The following NELL1 variants were observed in gnomAD, a reference collection of about 807,000 sequenced individuals.
The protein encoded by NELL1 is protein kinase C-binding protein NELL1.
NELL1 carries 76 observed loss-of-function variants against 107.4 expected under a neutral mutation model. That is an observed-to-expected ratio of 0.71 (90% confidence interval 0.59 to 0.86). NELL1 has a LOEUF of 0.86. Ranked by LOEUF, NELL1 falls within the 40% of genes least tolerant of loss-of-function variation. The pLI is 0.00. For missense variants in NELL1, 1,024 were observed against 1,005.5 expected (o/e 1.02, Z -0.25); for synonymous variants, 353 against 341.2 (o/e 1.03, Z -0.38).
chr11:21,481,032 G>A (rs547843239), intron 15 of NELL1, among the ~76,000 whole-genome samples: 1 of 152,220 alleles, frequency 6.6e-6, no homozygotes, highest in South Asian at 2.1e-4. Context: ...ATAAAATGGA[G>A]GGCTTTACAA....
At chr11:21,050,956 C>T (rs10766763) in intron 12 of NELL1, among the ~76,000 whole-genome samples, 58,421 of 151,948 alleles carry the variant, frequency 0.38, 14,175 homozygotes, top group African/African-American at 0.68. Flanking sequence ...CCAATGGAAA[C>T]GGATCCCAGG....
At position 20,888,826 on chromosome 11, in the gene NELL1, G is replaced by A. The variant is rs1159561177; in HGVS notation, c.603+3286G>A. Among the ~76,000 whole-genome samples the A allele has an allele frequency of 5.3e-5, 8 of 152,290 alleles. No homozygotes were observed. The South Asian group carries it at 1.7e-3, about 32-fold the overall frequency. On this transcript the variant is annotated intron_variant, in intron 5 of 19. Transcript: ENST00000357134. ...TGAGAGCCTCTTCACCTCTCTGGGG[G>A]TTGGCTGGCTGTTGACTCTTGTTCC... is the stretch of plus-strand genomic sequence containing the variant.
At chr11:21,504,478 T>C (rs1252736626) in intron 15 of NELL1, among the ~76,000 whole-genome samples, 2 of 152,180 alleles carry the variant, frequency 1.3e-5, no homozygotes, top group Admixed American at 1.3e-4. Flanking sequence ...CTCACACAGC[T>C]TTTCCTATGA....
intron 14 of NELL1, among the ~76,000 whole-genome samples, chr11:21,332,408 G>C (rs1048044848): frequency 1.3e-5 from 2 of 151,786 alleles, no homozygotes; most frequent in Non-Finnish European, 2.9e-5. Flanking sequence ...CTTATCCTAT[G>C]CCATTTTTCT....
chr11:21,223,839 G>A (rs544923764), intron 13 of NELL1, among the ~76,000 whole-genome samples: 27 of 152,202 alleles, frequency 1.8e-4, no homozygotes, highest in African/African-American at 4.3e-4. Context: ...AGCTTTTCTC[G>A]TAGATCAGGT....
At chr11:20,790,363 G>A (rs1449330068) in intron 3 of NELL1, among the ~76,000 whole-genome samples, 1 of 152,212 alleles carries the variant, frequency 6.6e-6, no homozygotes, top group Non-Finnish European at 1.5e-5. Context: ...CCCTGAGTAT[G>A]TGCACACCCA....
intron 12 of NELL1, among the ~76,000 whole-genome samples, chr11:21,080,496 G>T (rs148392241): frequency 2.6e-5 from 4 of 152,170 alleles, no homozygotes; most frequent in Admixed American, 1.3e-4. Flanking sequence ...AGTCTCATGT[G>T]TGCAACATAT....
chr11:21,182,168 T>G (rs989049970), intron 13 of NELL1, among the ~76,000 whole-genome samples: 4 of 151,796 alleles, frequency 2.6e-5, no homozygotes, highest in Middle Eastern at 3.2e-3. Context: ...GCACGGTGGC[T>G]CCTGCCTGTA....
intron 14 of NELL1, among the ~76,000 whole-genome samples, chr11:21,354,394 A>C (rs1280783016): frequency 1.3e-5 from 2 of 152,018 alleles, no homozygotes; most frequent in African/African-American, 4.8e-5. Flanking sequence ...CACTTAGTTA[A>C]AACTTCAAAC....
chr11:20,884,536 C>T (rs903040101), intron 4 of NELL1, among the ~76,000 whole-genome samples: 1 of 151,964 alleles, frequency 6.6e-6, no homozygotes, highest in Admixed American at 6.5e-5. Flanking sequence ...GTTGGAAGCT[C>T]GTGATCAGTG....
At chr11:21,411,156 C>T (rs1852367584) in intron 15 of NELL1, among the ~76,000 whole-genome samples, 2 of 151,968 alleles carry the variant, frequency 1.3e-5, no homozygotes, top group Admixed American at 1.3e-4. Context: ...ATCTAATTTT[C>T]AAGGTTGGGA....
intron 13 of NELL1, among the ~76,000 whole-genome samples, chr11:21,164,009 C>T (rs1268052425): frequency 6.6e-6 from 1 of 152,004 alleles, no homozygotes; most frequent in Non-Finnish European, 1.5e-5. Context: ...ACTGTATGCC[C>T]ATAGAGAAAA....
At chr11:20,821,239 A>G (rs1012322156) in intron 3 of NELL1, among the ~76,000 whole-genome samples, 61 of 152,120 alleles carry the variant, frequency 4.0e-4, no homozygotes, top group African/African-American at 1.3e-3. Flanking sequence ...GGCACGATGC[A>G]TTACTCCTTT....
intron 15 of NELL1, among the ~76,000 whole-genome samples, chr11:21,454,509 T>C (rs1853672118): frequency 1.3e-5 from 2 of 152,200 alleles, no homozygotes; most frequent in Non-Finnish European, 1.5e-5. Flanking sequence ...CTCCATATCT[T>C]ATAAACTCTA....
intron 12 of NELL1, among the ~76,000 whole-genome samples, chr11:21,055,242 A>C (rs1565035965): frequency 6.6e-6 from 1 of 152,040 alleles, no homozygotes; most frequent in Admixed American, 6.6e-5. Flanking sequence ...TCATCAGGTT[A>C]TACATATTTT....
chr11:20,701,307 CT>C (rs1854779724), intron 2 of NELL1, among the ~76,000 whole-genome samples: 1 of 152,084 alleles, frequency 6.6e-6, no homozygotes, highest in South Asian at 2.1e-4. Context: ...TAAATGTCTT[CT>C]TTTGAGAAGT....
At chr11:21,345,631 G>A (rs1235766903) in intron 14 of NELL1, among the ~76,000 whole-genome samples, 1 of 152,150 alleles carries the variant, frequency 6.6e-6, no homozygotes, top group Non-Finnish European at 1.5e-5. Context: ...ATTGGACTAT[G>A]CCTTGTCTAC....
At chr11:20,947,046 C>T (rs1040037795) in intron 10 of NELL1, among the ~76,000 whole-genome samples, 9 of 152,088 alleles carry the variant, frequency 5.9e-5, no homozygotes, top group Non-Finnish European at 2.9e-5. Flanking sequence ...GACCAAGAGT[C>T]GATTGTTAGA....
intron 15 of NELL1, among the ~76,000 whole-genome samples, chr11:21,476,337 A>G (rs1023000431): frequency 2.6e-5 from 4 of 152,190 alleles, no homozygotes; most frequent in Non-Finnish European, 5.9e-5. Flanking sequence ...AGGAAAATCA[A>G]TAGAGGGTAG....
Sources: gnomAD v4.1 joint callset for allele counts (sites outside exome capture counted in the v4.1 genomes callset) on GRCh38, gnomAD v4.1.1 for gene constraint, MANE v1.5 for transcripts, NCBI Gene and HGNC (gene_info 2026-07-23, HGNC 2026-07-21) for gene names.